Variants in NRXN1 observed in about 807,000 individuals in gnomAD.
NRXN1 encodes neurexin 1.
NRXN1 carries 39 observed loss-of-function variants against 150.9 expected under a neutral mutation model. That is an observed-to-expected ratio of 0.26 (90% CI 0.20 to 0.34). NRXN1 has a LOEUF of 0.34. NRXN1 is among the 10% of genes least tolerant of loss of function. The pLI is 1.00. For missense variants in NRXN1, 1,815 were observed against 1,949.9 expected, an observed-to-expected ratio of 0.93 and a Z score of 1.30; for synonymous variants, 924 against 757.0, an observed-to-expected ratio of 1.22 and a Z score of -3.62.
intron 2 of NRXN1, among the ~76,000 whole-genome samples, chr2:50,928,054 C>T (rs1687172708): frequency 3.3e-5 from 5 of 151,882 alleles, no homozygotes; most frequent in Admixed American, 3.3e-4. Flanking sequence ...GCCATGGATC[C>T]TACTCTACCA....
intron 8 of NRXN1, among the ~76,000 whole-genome samples, chr2:50,577,417 T>G (rs952344305): frequency 6.6e-6 from 1 of 152,038 alleles, no homozygotes; most frequent in Non-Finnish European, 1.5e-5. Flanking sequence ...TATGTCTCAT[T>G]AGACCTTTAT....
At chr2:50,085,652 G>A (rs1178563384) in intron 19 of NRXN1, among the ~76,000 whole-genome samples, 1 of 150,614 alleles carries the variant, frequency 6.6e-6, no homozygotes, top group East Asian at 2.0e-4. Flanking sequence ...AACAAAATAT[G>A]GTTATTATAA....
At chr2:50,537,068 T>C (rs529291588) in intron 10 of NRXN1, among the ~76,000 whole-genome samples, 25 of 152,186 alleles carry the variant, frequency 1.6e-4, no homozygotes, top group Non-Finnish European at 2.2e-4. Context: ...ATCTCAGAAC[T>C]AATAAGTTGA....
chr2:49,988,128 T>C (rs1215275882), intron 21 of NRXN1, among the ~76,000 whole-genome samples: 1 of 152,188 alleles, frequency 6.6e-6, no homozygotes, highest in East Asian at 1.9e-4. Flanking sequence ...CAAAATGTGA[T>C]GGTTGGGAAA....
chr2:49,986,438 TG>T (rs1188510663), intron 21 of NRXN1, among the ~76,000 whole-genome samples: 1 of 152,216 alleles, frequency 6.6e-6, no homozygotes, highest in Non-Finnish European at 1.5e-5. Context: ...AAAATAATAC[TG>T]TTTTACATTT....
intron 18 of NRXN1, among the ~76,000 whole-genome samples, chr2:50,186,454 A>G (rs573700518): frequency 4.1e-4 from 63 of 152,230 alleles, no homozygotes; most frequent in African/African-American, 1.4e-3. Context: ...GTCAGAAGTT[A>G]CATCATCAGG....
chr2:51,015,505 T>G (rs1254099607), intron 2 of NRXN1, among the ~76,000 whole-genome samples: 1 of 152,032 alleles, frequency 6.6e-6, no homozygotes, highest in African/African-American at 2.4e-5. Flanking sequence ...GCCAAGAACC[T>G]CTGGGAACAT....
At chr2:51,001,669 A>G (rs1037894657) in intron 2 of NRXN1, among the ~76,000 whole-genome samples, 1 of 152,018 alleles carries the variant, frequency 6.6e-6, no homozygotes. Flanking sequence ...AATTCCCACA[A>G]TTCACGCTAT....
intron 17 of NRXN1, among the ~76,000 whole-genome samples, chr2:50,350,507 C>T (rs566332819): frequency 1.3e-5 from 2 of 152,284 alleles, no homozygotes; most frequent in African/African-American, 2.4e-5. Flanking sequence ...GGAACACAAA[C>T]GTTTGCCATT....
rs377114059 is a variant in NRXN1 at position 50,124,923 on chromosome 2, A to G, written c.3547-33429T>C. ...TTAGCCCCTTTGAGTTTATAAATACATTGATTTATAATTCATCATACATTT... is the reference window on the plus strand; with the variant it reads ...TTAGCCCCTTTGAGTTTATAAATACGTTGATTTATAATTCATCATACATTT... On this transcript the variant is annotated intron_variant, in intron 18 of 22. Transcript: ENST00000401669. Among the ~76,000 whole-genome samples the G allele has an allele frequency of 6.8e-4, 103 of 152,252 alleles. No homozygotes were observed. In the South Asian group the frequency reaches 0.012, roughly 17 times the overall value.
At chr2:50,294,931 AAAGAGGG>A (rs1023409705) in intron 17 of NRXN1, among the ~76,000 whole-genome samples, 1 of 152,224 alleles carries the variant, frequency 6.6e-6, no homozygotes, top group African/African-American at 2.4e-5. Context: ...GAGACAGAAT[AAAGAGGG>A]AAGAGGAATG....
In NRXN1 at chr2:51,028,831, T is replaced by A. The variant is rs202082928; in HGVS notation, c.-558A>T. The A allele has an allele frequency of 3.3e-5, 5 of 152,368 alleles. No homozygotes were observed. The highest frequency in any genetic ancestry group is 5.9e-5 in the Non-Finnish European group (4 of 68,140). The allele number at this position is 152,368 out of a possible 1,614,324, so 9.4% of individuals were successfully genotyped here. On this transcript the variant is annotated 5_prime_UTR_variant, in exon 2 of 23. Coordinates refer to ENST00000401669, the MANE Select transcript of NRXN1 (RefSeq NM_001330078.2). ...AAGTCTGTCTCCTTCAGATGTGGTG[T>A]CTTACAGCAGAACGGAGAAAGGGAT...
At chr2:50,740,529 G>T (rs1699303331) in intron 5 of NRXN1, among the ~76,000 whole-genome samples, 1 of 152,248 alleles carries the variant, frequency 6.6e-6, no homozygotes, top group East Asian at 1.9e-4. Flanking sequence ...ATTTTTTGTT[G>T]TGTGACCTAA....
intron 18 of NRXN1, among the ~76,000 whole-genome samples, chr2:50,159,967 A>G (rs556623946): frequency 1.7e-4 from 26 of 152,324 alleles, no homozygotes; most frequent in Non-Finnish European, 3.2e-4. Context: ...TATATTCTAA[A>G]TGTTTACAAA....
At position 49,932,124 on chromosome 2, in the gene NRXN1, T is replaced by C. The variant is rs374853980; in HGVS notation, c.4217-9873A>G. Among the ~76,000 whole-genome samples the C allele has an allele frequency of 6.6e-5, 10 of 152,274 alleles. No homozygotes were observed. In the South Asian group the frequency reaches 1.5e-3, roughly 22 times the overall value. ...ATTCCTTCCAATTCTCTCTCAGAAG[T>C]TGCTGAGTTTGCTGGGCATGGTAAT... On this transcript the variant is annotated intron_variant, in intron 22 of 22. Transcript: ENST00000401669.
chr2:50,805,492 A>T (rs1300329021), intron 5 of NRXN1, among the ~76,000 whole-genome samples: 1 of 151,798 alleles, frequency 6.6e-6, no homozygotes, highest in African/African-American at 2.4e-5. Context: ...CATCATTACT[A>T]AAAAAATACA....
intron 2 of NRXN1, among the ~76,000 whole-genome samples, chr2:51,005,928 G>A (rs1201615796): frequency 6.6e-6 from 1 of 151,734 alleles, no homozygotes; most frequent in East Asian, 2.0e-4. Context: ...TAGACTGAAA[G>A]TGAAGAGAAG....
intron 8 of NRXN1, among the ~76,000 whole-genome samples, chr2:50,582,934 A>G (rs893704268): frequency 6.6e-6 from 1 of 151,938 alleles, no homozygotes; most frequent in Non-Finnish European, 1.5e-5. Flanking sequence ...CACTTGGGTT[A>G]TTTCCCTAAG....
At chr2:50,766,758 A>C (rs9309197) in intron 5 of NRXN1, among the ~76,000 whole-genome samples, 5 of 151,734 alleles carry the variant, frequency 3.3e-5, no homozygotes, top group African/African-American at 1.2e-4. Context: ...GGGAGGGTCA[A>C]TTACCAGGAC....
Sources: allele counts gnomAD v4.1 joint callset (sites outside exome capture counted in the v4.1 genomes callset), GRCh38; gene constraint gnomAD v4.1.1; transcripts MANE v1.5; gene names NCBI Gene and HGNC (gene_info 2026-07-23, HGNC 2026-07-21).